Variants in TMEM163 observed in about 807,000 individuals in gnomAD.
TMEM163 encodes transmembrane protein 163.
In TMEM163, 17 loss-of-function variants were observed where a neutral mutation model predicts 29.3. The ratio of observed to expected loss-of-function variants is 0.58; its 90% CI spans 0.40 to 0.87. The LOEUF (loss-of-function observed/expected upper bound fraction) is 0.87. TMEM163 is among the 40% of genes least tolerant of loss of function. The pLI is 0.00. For missense variants in TMEM163, 303 were observed against 381.5 expected (o/e 0.79, Z 1.71); for synonymous variants, 157 against 160.6 (o/e 0.98, Z 0.17).
At chr2:134,717,084 G>C (rs948406962) in intron 1 of TMEM163, among the ~76,000 whole-genome samples, 1 of 152,178 alleles carries the variant, frequency 6.6e-6, no homozygotes, top group Admixed American at 6.5e-5. Context: ...TTTTACACTT[G>C]AACATGAACT....
At chr2:134,700,697 G>C (rs994157444) in intron 2 of TMEM163, among the ~76,000 whole-genome samples, 2 of 152,014 alleles carry the variant, frequency 1.3e-5, no homozygotes, top group South Asian at 4.2e-4. Flanking sequence ...TCATGAGTTC[G>C]AGACTAGCCT....
In TMEM163 at chr2:134,541,212, C is replaced by T. The variant is rs1466742667; in HGVS notation, c.458+9358G>A. On this transcript the variant is annotated intron_variant, in intron 4 of 7. Transcript: ENST00000281924. ...TCATTCCCATCTGAAATCCTGGCAA[C>T]CCATTTCCCAAAAGAAATGCAAATG... is the stretch of plus-strand genomic sequence containing the variant. Among the ~76,000 whole-genome samples, 9 of 152,206 alleles carry T rather than the reference C, an allele frequency of 5.9e-5. No individual in the cohort carries two copies. In the South Asian group the frequency reaches 1.9e-3, roughly 32 times the overall value.
At chr2:134,600,140 C>T (rs1682193620) in intron 2 of TMEM163, among the ~76,000 whole-genome samples, 2 of 152,194 alleles carry the variant, frequency 1.3e-5, no homozygotes, top group Non-Finnish European at 2.9e-5. Context: ...TGAATGACTA[C>T]ATAACTAAAT....
At chr2:134,466,415 AC>A (rs1380310490) in intron 5 of TMEM163, 190 bp from the exon 6 acceptor site, 2 of 565,958 alleles carry the variant, frequency 3.5e-6, no homozygotes, top group Admixed American at 6.3e-5. Context: ...ATGCTCAAAA[AC>A]AGATAATCCC....
intron 2 of TMEM163, among the ~76,000 whole-genome samples, chr2:134,577,303 C>G (rs896969470): frequency 6.6e-6 from 1 of 152,214 alleles, no homozygotes; most frequent in Non-Finnish European, 1.5e-5. Flanking sequence ...TTCATATGGT[C>G]TTGTTCCTTC....
At chr2:134,563,270 G>C (rs924926064) in intron 2 of TMEM163, among the ~76,000 whole-genome samples, 30 of 152,322 alleles carry the variant, frequency 2.0e-4, no homozygotes, top group Admixed American at 9.2e-4. Flanking sequence ...AGATCACTGA[G>C]ATCAGGTGCC....
chr2:134,460,616 GGCTCCC>G lies in TMEM163; in HGVS notation c.668-2449_668-2444del, dbSNP rs1216235819. On this transcript the variant is annotated intron_variant, in intron 6 of 7. Transcript: ENST00000281924. The surrounding 1 kb of genome is among the most constrained non-coding windows in gnomAD (Gnocchi z 4.3). Reference sequence around the variant, plus strand: ...CCCAGCCTGAGCGCCACCCCTGCCTGGCTCCCGCAGACAGTCACCCCAGGAGAAGCA... The same window carrying G: ...CCCAGCCTGAGCGCCACCCCTGCCTGGCAGACAGTCACCCCAGGAGAAGCA... 1.3e-5 allele frequency among the ~76,000 whole-genome samples: 2 copies of G among 152,170 alleles called. No homozygotes were observed. The highest frequency in any genetic ancestry group is 4.8e-5 in the African/African-American group (2 of 41,440).
At chr2:134,684,128 A>C (rs1684306154) in intron 2 of TMEM163, among the ~76,000 whole-genome samples, 1 of 152,204 alleles carries the variant, frequency 6.6e-6, no homozygotes. Context: ...AGCAAGACCT[A>C]TAACAAGGTT....
chr2:134,458,207 T>C, intron 6 of TMEM163, 34 bp from the exon 7 acceptor site: 3 of 1,610,416 alleles, frequency 1.9e-6, no homozygotes, highest in East Asian at 2.2e-5. Flanking sequence ...TAGATGGCAG[T>C]GCCAAGCAAT....
chr2:134,684,464 G>A (rs1684311850), intron 2 of TMEM163, among the ~76,000 whole-genome samples: 1 of 152,128 alleles, frequency 6.6e-6, no homozygotes. Context: ...TTTCTCCAAG[G>A]CCAAGGACAA....
intron 4 of TMEM163, among the ~76,000 whole-genome samples, chr2:134,520,776 C>T (rs549487923): frequency 8.5e-5 from 13 of 152,278 alleles, no homozygotes; most frequent in African/African-American, 3.1e-4. Context: ...TTGTAGCAGC[C>T]AAGTTCACCC....
chr2:134,604,475 TC>T (rs1232993226), intron 2 of TMEM163, among the ~76,000 whole-genome samples: 1 of 151,558 alleles, frequency 6.6e-6, no homozygotes, highest in Non-Finnish European at 1.5e-5. Flanking sequence ...CAAGACATTT[TC>T]TCTAGGTACC....
At chr2:134,639,489 T>TGGGGA (rs1356395043) in intron 2 of TMEM163, among the ~76,000 whole-genome samples, 2 of 152,204 alleles carry the variant, frequency 1.3e-5, no homozygotes, top group Admixed American at 1.3e-4. Flanking sequence ...TAGCTTTTGC[T>TGGGGA]TTCACTGGAG....
intron 2 of TMEM163, among the ~76,000 whole-genome samples, chr2:134,561,724 G>A (rs1182546583): frequency 2.0e-5 from 3 of 152,146 alleles, no homozygotes; most frequent in Non-Finnish European, 2.9e-5. Context: ...GTAAGCCTGT[G>A]GGAGGCAGGC....
chr2:134,622,306 G>A (rs974092947), intron 2 of TMEM163, among the ~76,000 whole-genome samples: 4 of 152,170 alleles, frequency 2.6e-5, no homozygotes, highest in Admixed American at 6.5e-5. Flanking sequence ...ATCATAGCTC[G>A]AATAAATTCA....
At chr2:134,588,403 CA>C (rs1681866474) in intron 2 of TMEM163, among the ~76,000 whole-genome samples, 1 of 152,190 alleles carries the variant, frequency 6.6e-6, no homozygotes, top group South Asian at 2.1e-4. Context: ...GACAGAGAAG[CA>C]AAGTCAAACA....
chr2:134,516,522 C>T (rs1259716807), intron 4 of TMEM163, among the ~76,000 whole-genome samples: 4 of 151,440 alleles, frequency 2.6e-5, no homozygotes, highest in African/African-American at 9.7e-5. Flanking sequence ...GATTGCGCCA[C>T]TGCACTCCAG....
intron 2 of TMEM163, among the ~76,000 whole-genome samples, chr2:134,593,678 G>A (rs1681991917): frequency 1.3e-5 from 2 of 152,184 alleles, no homozygotes; most frequent in South Asian, 4.1e-4. Flanking sequence ...GTCTTGAAAC[G>A]GCTTAGTTAC....
At chr2:134,704,296 C>G (rs1684761470) in intron 2 of TMEM163, among the ~76,000 whole-genome samples, 1 of 152,116 alleles carries the variant, frequency 6.6e-6, no homozygotes, top group Non-Finnish European at 1.5e-5. Flanking sequence ...TGGACCTGGG[C>G]ACTCATTTCC....
Sources: allele counts gnomAD v4.1 joint callset (sites outside exome capture counted in the v4.1 genomes callset), GRCh38; gene constraint gnomAD v4.1.1; non-coding constraint Gnocchi (gnomAD v3.1); transcripts MANE v1.5; gene names NCBI Gene and HGNC (gene_info 2026-07-23, HGNC 2026-07-21).